ZNF248: variants seen among roughly 807,000 people sequenced by gnomAD.
The protein encoded by ZNF248 is KRAB protein domain.
A neutral mutation model predicts 44.3 loss-of-function variants in ZNF248; 20 were observed. The ratio of observed to expected loss-of-function variants is 0.45; its 90% CI spans 0.32 to 0.66. The LOEUF is 0.66. Ranked by LOEUF, ZNF248 falls within the 30% of genes least tolerant of loss-of-function variation. ZNF248 has a pLI of 0.04. For missense variants in ZNF248, 654 were observed against 677.0 expected (o/e 0.97, Z 0.38); for synonymous variants, 224 against 229.0 (o/e 0.98, Z 0.20).
chr10:37,760,340 C>T, the ZNF248 span, among the ~76,000 whole-genome samples: 1 of 152,098 alleles, frequency 6.6e-6, no homozygotes, highest in Non-Finnish European at 1.5e-5. Flanking sequence ...AGGCAATCCT[C>T]CCACCTCAGC....
rs76852664 is a variant in ZNF248, at chr10:37,785,180, T to A, written c.331-8605A>T. On this transcript the variant is annotated intron_variant, in intron 6 of 6. Coordinates refer to the ZNF248 transcript ENST00000615949. ...AGTTCTCAGTGGTATAACATAACACTGTGTGGGGTTCTGACAAGCCAAAAT... is the reference window on the plus strand; with the variant it reads ...AGTTCTCAGTGGTATAACATAACACAGTGTGGGGTTCTGACAAGCCAAAAT... Among the ~76,000 whole-genome samples, 49 of 152,268 alleles carry A rather than the reference T, an allele frequency of 3.2e-4. No individual in the cohort carries two copies. The East Asian group carries it at 9.1e-3, about 28-fold the overall frequency.
In ZNF248 at chr10:37,829,441, G is replaced by C; in HGVS notation, c.*2174C>G. On this transcript the variant is annotated 3_prime_UTR_variant, in exon 6 of 6. Coordinates refer to ENST00000395867, the MANE Select transcript of ZNF248 (RefSeq NM_021045.3). ...CAAACAGCCATCCCTATATTAACTT[G>C]TGAAAAGAAATAATTCTTCCCCCTA... The C allele has an allele frequency of 1.0e-6, 1 of 985,302 alleles. No homozygotes were observed. The highest frequency in any genetic ancestry group is 1.2e-6 in the Non-Finnish European group (1 of 829,906). 61.0% of individuals were successfully genotyped at this position (985,302 alleles called of 1,614,324 possible).
In ZNF248 at chr10:37,831,894, T is replaced by A; in HGVS notation, c.1461A>T (p.Thr487=). ...SALTVHQRTH[T]GEKPFICNEC... ...CATTACATATAAACGGTTTCTCCCC[T>A]GTGTGTGTTCTCTGATGCACAGTGA... The change falls in exon 6 of 6, where the codon ACA becomes ACT. Residue 487 remains threonine (T), a synonymous_variant. Transcript: ENST00000395867. The A allele has an allele frequency of 6.2e-7, 1 of 1,614,010 alleles. No individual in the cohort carries two copies. Among genetic ancestry groups the A allele is most frequent in the Non-Finnish European group, 8.5e-7 (1 of 1,179,908 alleles).
chr10:37,847,731 C>CA (rs71007673), intron 3 of ZNF248, among the ~76,000 whole-genome samples: 15 of 149,810 alleles, frequency 1.0e-4, no homozygotes, highest in African/African-American at 2.7e-4. Context: ...GATATGTTTA[C>CA]AAAAAAAAAT....
Position 37,838,086 on chromosome 10 carries a change from C to A in ZNF248, c.41G>T (p.Cys14Phe). 3.1e-6 allele frequency: 5 copies of A among 1,613,264 alleles called. 1 individual carries two copies. The highest frequency in any genetic ancestry group is 4.2e-6 in the Non-Finnish European group (5 of 1,179,492). The part of the protein sequence containing the change: ...SQEQVSFKDV[C>F]VDFTQEEWYL... ...CCACTCTTCCTGAGTGAAGTCCACA[C>A]ATACATCCTTGAATGACACTTGTTC... Residue 14 changes from cysteine to phenylalanine, a missense_variant, in exon 4 of 6, where the codon TGT becomes TTT. Transcript: ENST00000395867.
chr10:37,818,929 C>A, intron 6 of ZNF248: 1 of 1,109,092 alleles, frequency 9.0e-7, no homozygotes, highest in Non-Finnish European at 1.4e-6. Context: ...ACCCACCGAC[C>A]ACACAACAAT....
At chr10:37,779,812 CAA>C (rs1459025220) in intron 6 of ZNF248, among the ~76,000 whole-genome samples, 1 of 149,936 alleles carries the variant, frequency 6.7e-6, no homozygotes, top group African/African-American at 2.5e-5. Context: ...GCAACTTCAG[CAA>C]AGTCTCAGGA....
chr10:37,833,001 T>G lies in ZNF248; in HGVS notation c.354A>C (p.Arg118Ser), dbSNP rs1315517259. The change falls in exon 6 of 6, where the codon AGA (arginine) becomes AGC (serine). Residue 118 changes from arginine (R) to serine (S), a missense_variant. Arg to Ser is a moderately radical substitution (Grantham distance 110). Transcript: ENST00000395867. ...TGCCCAAATTGAAAGTTTTGCTTCCTCTATCTCCATTTTCTACACTTACTG... is the reference window on the plus strand; with the variant it reads ...TGCCCAAATTGAAAGTTTTGCTTCCGCTATCTCCATTTTCTACACTTACTG... ...NKTVSVENGD[R>S]GSKTFNLGTD... 6.2e-7 allele frequency: 1 copy of G among 1,613,782 alleles called. No individual in the cohort carries two copies. Among genetic ancestry groups the G allele is most frequent in the Non-Finnish European group, 8.5e-7 (1 of 1,179,808 alleles).
upstream of ZNF248, chr10:37,858,067 G>A (rs1190223165): frequency 6.6e-6 from 1 of 152,322 alleles, no homozygotes; most frequent in African/African-American, 2.4e-5. Flanking sequence ...GGAGTCCAGG[G>A]AAGGACTCGC....
At chr10:37,835,226 T>G (rs1289190951) in intron 5 of ZNF248, among the ~76,000 whole-genome samples, 1 of 152,174 alleles carries the variant, frequency 6.6e-6, no homozygotes, top group Non-Finnish European at 1.5e-5. Context: ...TTTTGAGTTA[T>G]ATCAGTGAAA....
At chr10:37,772,505 C>T (rs2046296693), downstream of ZNF248, among the ~76,000 whole-genome samples, 1 of 152,114 alleles carries the variant, frequency 6.6e-6, no homozygotes, top group Non-Finnish European at 1.5e-5. Flanking sequence ...ACTGTATAAG[C>T]ACAGTGGAGG....
chr10:37,819,034 A>G, intron 6 of ZNF248: 1 of 824,848 alleles, frequency 1.2e-6, no homozygotes. Flanking sequence ...GCTCCATGCC[A>G]CCCACTGAAT....
chr10:37,760,274 G>A, the ZNF248 span, among the ~76,000 whole-genome samples: 1 of 152,138 alleles, frequency 6.6e-6, no homozygotes, highest in Non-Finnish European at 1.5e-5. Context: ...TGTTGCCCAG[G>A]CTGGAGGGCA....
chr10:37,856,159 G>T, intron 3 of ZNF248, 137 bp downstream of exon 3: 2 of 932,462 alleles, frequency 2.1e-6, no homozygotes, highest in Non-Finnish European at 1.6e-6. Context: ...CACTATTTTG[G>T]ATTTGCTACT....
intron 5 of ZNF248, among the ~76,000 whole-genome samples, chr10:37,835,792 C>T (rs1015060657): frequency 6.6e-6 from 1 of 152,238 alleles, no homozygotes; most frequent in Non-Finnish European, 1.5e-5. Flanking sequence ...TTGACTTCTG[C>T]TCTTGAAGAT....
chr10:37,850,756 A>G (rs979397812), intron 3 of ZNF248, among the ~76,000 whole-genome samples: 38 of 152,216 alleles, frequency 2.5e-4, no homozygotes, highest in African/African-American at 8.9e-4. Context: ...GTACATCCAT[A>G]GGCAAAAACT....
At chr10:37,776,348 T>C (rs1478657517), downstream of ZNF248, 26 of 367,854 alleles carry the variant, frequency 7.1e-5, no homozygotes, top group Non-Finnish European at 1.2e-4. Context: ...ACCTTCTGGA[T>C]GTGATAACAT....
downstream of ZNF248, chr10:37,776,308 G>A (rs143150495): frequency 5.4e-3 from 1,797 of 334,404 alleles, 7 homozygotes; most frequent in Non-Finnish European, 7.7e-3. Flanking sequence ...TTTCTGAGAC[G>A]TGGTCCAAAC....
At chr10:37,805,456 C>T (rs1264526527) in intron 6 of ZNF248, among the ~76,000 whole-genome samples, 1 of 152,140 alleles carries the variant, frequency 6.6e-6, no homozygotes, top group Non-Finnish European at 1.5e-5. Context: ...AGCCAACTAA[C>T]TTACATAATT....
Sources: allele counts gnomAD v4.1 joint callset (sites outside exome capture counted in the v4.1 genomes callset), GRCh38; gene constraint gnomAD v4.1.1; transcripts MANE v1.5; gene names NCBI Gene and HGNC (gene_info 2026-07-23, HGNC 2026-07-21).